The following CPAMD8 variants were observed in gnomAD, a reference collection of about 807,000 sequenced individuals.
The protein encoded by CPAMD8 is C3 and PZP like alpha-2-macroglobulin domain containing 8.
CPAMD8 carries 146 observed loss-of-function variants against 224.7 expected under a neutral mutation model. That is an observed-to-expected ratio of 0.65 (90% CI 0.57 to 0.75). CPAMD8 has a LOEUF of 0.75. Ranked by LOEUF, CPAMD8 falls within the 30% of genes least tolerant of loss-of-function variation. The pLI is 0.00. For missense variants in CPAMD8, 2,301 were observed against 2,537.5 expected, an observed-to-expected ratio of 0.91 and a Z score of 2.00; for synonymous variants, 966 against 1,044.6, an observed-to-expected ratio of 0.92 and a Z score of 1.45.
rs371530100 is a variant in CPAMD8, at chr19:16,997,166, C to T, written c.1040G>A (p.Arg347Gln). 2.1e-5 allele frequency: 34 copies of T among 1,603,638 alleles called. No homozygotes were observed. Among genetic ancestry groups the T allele is most frequent in the Non-Finnish European group, 2.6e-5 (30 of 1,170,790 alleles). Residue 347 changes from arginine to glutamine, a missense_variant, in exon 11 of 42, where the codon CGG (arginine) becomes CAG (glutamine). By Grantham distance (43) the Arg-to-Gln change is conservative. Transcript: ENST00000443236. The part of the protein sequence containing the change: ...TPVQRQLVDI[R>Q]YSKDTRKQFK... The stretch of plus-strand genomic sequence containing the variant: ...CTGCTTCCTCGTGTCCTTGGAGTAC[C>T]GGATGTCCACCAGCTGCCTCTGCAC...
At chr19:16,942,054 G>T (rs189142449) in intron 22 of CPAMD8, among the ~76,000 whole-genome samples, 1 of 151,980 alleles carries the variant, frequency 6.6e-6, no homozygotes, top group African/African-American at 2.4e-5. Flanking sequence ...TGTAAGACAC[G>T]CCTGCTTCTC....
At chr19:16,940,108 C>G (rs2053837381) in intron 22 of CPAMD8, among the ~76,000 whole-genome samples, 1 of 151,846 alleles carries the variant, frequency 6.6e-6, no homozygotes, top group African/African-American at 2.4e-5. Context: ...GACAGGGTTT[C>G]ACTATGTTGG....
At chr19:16,939,261 T>C (rs1357288935) in intron 22 of CPAMD8, among the ~76,000 whole-genome samples, 1 of 151,898 alleles carries the variant, frequency 6.6e-6, no homozygotes, top group African/African-American at 2.4e-5. Flanking sequence ...TGGAGTGCAG[T>C]GGTGTGAGTG....
intron 29 of CPAMD8, among the ~76,000 whole-genome samples, chr19:16,912,783 G>C (rs1164859472): frequency 6.6e-6 from 1 of 152,006 alleles, no homozygotes; most frequent in Non-Finnish European, 1.5e-5. Flanking sequence ...CAAGATATGT[G>C]TCATAAAAGT....
chr19:16,934,799 G>A (rs2053638262), intron 23 of CPAMD8, among the ~76,000 whole-genome samples: 1 of 151,868 alleles, frequency 6.6e-6, no homozygotes, highest in African/African-American at 2.4e-5. Flanking sequence ...TTTTAATTGT[G>A]GTAAAATATA....
intron 13 of CPAMD8, among the ~76,000 whole-genome samples, chr19:16,985,852 T>C (rs528869657): frequency 1.3e-5 from 2 of 151,748 alleles, no homozygotes; most frequent in Non-Finnish European, 2.9e-5. Flanking sequence ...GGAGGGTGGA[T>C]GGAGGGATGA....
intron 1 of CPAMD8, among the ~76,000 whole-genome samples, chr19:17,026,301 A>G (rs2057079607): frequency 6.6e-6 from 1 of 152,136 alleles, no homozygotes; most frequent in Non-Finnish European, 1.5e-5. Flanking sequence ...GGTCACACGA[A>G]GGGGGCGAGG....
intron 19 of CPAMD8, among the ~76,000 whole-genome samples, chr19:16,957,320 C>T (rs1279964412): frequency 6.6e-6 from 1 of 152,210 alleles, no homozygotes; most frequent in Non-Finnish European, 1.5e-5. Flanking sequence ...CCGGGGCACG[C>T]CAGTGCCACT....
chr19:16,956,754 G>A (rs1271595509), intron 19 of CPAMD8, among the ~76,000 whole-genome samples: 1 of 151,706 alleles, frequency 6.6e-6, no homozygotes, highest in Non-Finnish European at 1.5e-5. Context: ...TGCAACCTCC[G>A]TCTCCCAGGT....
intron 8 of CPAMD8, among the ~76,000 whole-genome samples, chr19:17,003,913 CT>C (rs572893226): frequency 3.8e-4 from 55 of 145,106 alleles, no homozygotes; most frequent in Admixed American, 4.1e-4. Flanking sequence ...TTTTCTTTTT[CT>C]TTTTTTTTTT....
Position 16,911,097 on chromosome 19 carries a change from C to G in CPAMD8, c.3861+3327G>C, listed in dbSNP as rs538802515. 3.3e-5 allele frequency among the ~76,000 whole-genome samples: 5 copies of G among 152,296 alleles called. No individual in the cohort carries two copies. The East Asian group carries it at 9.7e-4, about 29-fold the overall frequency. Reference sequence around the variant, plus strand: ...AGCAGGTTTTGCCTCCTTTGGGGAACGATCTAAGACAGGGGTCCCCAACCT... The same window carrying G: ...AGCAGGTTTTGCCTCCTTTGGGGAAGGATCTAAGACAGGGGTCCCCAACCT... On this transcript the variant is annotated intron_variant, in intron 29 of 41. Transcript: ENST00000443236.
intron 3 of CPAMD8, among the ~76,000 whole-genome samples, chr19:17,013,747 A>G (rs982535549): frequency 1.3e-5 from 2 of 151,470 alleles, no homozygotes; most frequent in Admixed American, 6.6e-5. Context: ...AACCCTGTCA[A>G]TGTAGTAAAT....
chr19:16,947,498 C>T (rs542650648), intron 20 of CPAMD8, among the ~76,000 whole-genome samples: 1 of 152,218 alleles, frequency 6.6e-6, no homozygotes, highest in Non-Finnish European at 1.5e-5. Context: ...AGGTCCAGAT[C>T]TCCCATGGAC....
chr19:16,979,386 T>TCATCCATCCATCCATCCATC (rs55698805), intron 14 of CPAMD8, among the ~76,000 whole-genome samples: 1 of 133,452 alleles, frequency 7.5e-6, no homozygotes, highest in Non-Finnish European at 1.6e-5. Context: ...ATCTGTCCAT[T>TCATCCATCCATCCATCCATC]CATCCATCCA....
chr19:16,925,462 GT>G, intron 25 of CPAMD8, 90 bp from the exon 26 acceptor site: 1 of 1,043,250 alleles, frequency 9.6e-7, no homozygotes, highest in Non-Finnish European at 1.5e-6. Flanking sequence ...GAGACAGTGA[GT>G]GTCATGCAGT....
intron 17 of CPAMD8, among the ~76,000 whole-genome samples, chr19:16,973,545 C>T (rs1040203271): frequency 9.2e-5 from 14 of 151,982 alleles, no homozygotes; most frequent in Non-Finnish European, 1.6e-4. Flanking sequence ...GACGGGGTTT[C>T]ACCATGTTGG....
intron 13 of CPAMD8, among the ~76,000 whole-genome samples, chr19:16,987,734 C>T (rs1014424319): frequency 6.6e-6 from 1 of 152,008 alleles, no homozygotes; most frequent in African/African-American, 2.4e-5. Context: ...CACTGCGGTC[C>T]CAATCTCCCG....
At chr19:16,974,237 T>C (rs1202677585) in intron 17 of CPAMD8, among the ~76,000 whole-genome samples, 1 of 151,882 alleles carries the variant, frequency 6.6e-6, no homozygotes, top group Non-Finnish European at 1.5e-5. Context: ...GTTCACGCCA[T>C]TCTCCTGCCT....
intron 24 of CPAMD8, 118 bp from the exon 25 acceptor site, chr19:16,928,352 A>AGGAAG: frequency 1.4e-6 from 1 of 735,184 alleles, no homozygotes; most frequent in South Asian, 1.8e-5. Context: ...TCACAGTGCA[A>AGGAAG]GGAAGGGTCT....
Sources: allele counts gnomAD v4.1 joint callset (sites outside exome capture counted in the v4.1 genomes callset), GRCh38; gene constraint gnomAD v4.1.1; transcripts MANE v1.5; gene names NCBI Gene and HGNC (gene_info 2026-07-23, HGNC 2026-07-21).